Variants in USP32 observed in about 807,000 individuals in gnomAD.
The protein encoded by USP32 is ubiquitin specific peptidase 32.
USP32 carries 59 observed loss-of-function variants against 204.8 expected under a neutral mutation model. The observed-to-expected ratio is 0.29, with a 90% CI of 0.23 to 0.36. The LOEUF (loss-of-function observed/expected upper bound fraction) is 0.36, where lower values mean the gene tolerates loss of function less well. Among genes scored for constraint, USP32 ranks in the 10% least tolerant of loss-of-function variants. The pLI is 1.00. For missense variants in USP32, 1,160 were observed against 1,946.4 expected, an observed-to-expected ratio of 0.60 and a Z score of 7.60; for synonymous variants, 517 against 678.4, an observed-to-expected ratio of 0.76 and a Z score of 3.70.
intron 5 of USP32, among the ~76,000 whole-genome samples, chr17:60,280,089 G>GTTATTA (rs374214644): frequency 6.6e-6 from 1 of 151,458 alleles, no homozygotes; most frequent in African/African-American, 2.4e-5. Context: ...AATTGAGTAA[G>GTTATTA]TTATTATTAT....
In USP32 at chr17:60,186,931, G is replaced by A. The variant is rs186350182; in HGVS notation, c.3643-1280C>T. On this transcript the variant is annotated intron_variant, in intron 29 of 33. Coordinates refer to ENST00000300896, the MANE Select transcript of USP32 (RefSeq NM_032582.4). ...TGGGTGAAGCATCAGGGTTATGAAT[G>A]CTATCATGAGACTTCACACAGTATA... Among the ~76,000 whole-genome samples, 55 of 152,188 alleles carry A rather than the reference G, an allele frequency of 3.6e-4. No individual in the cohort carries two copies. The East Asian group carries it at 9.9e-3, about 27-fold the overall frequency.
At chr17:60,366,552 C>T (rs967325701) in intron 1 of USP32, among the ~76,000 whole-genome samples, 11 of 152,074 alleles carry the variant, frequency 7.2e-5, no homozygotes, top group African/African-American at 2.7e-4. Context: ...AGGTGTGAGC[C>T]ACTGCACCCA....
In USP32 at chr17:60,333,755, G is replaced by A. The variant is rs184961113; in HGVS notation, c.186+11726C>T. On this transcript the variant is annotated intron_variant, in intron 2 of 33. Transcript: ENST00000300896. ...AAGTAAAAGGAAAGGAAAGAAAATCGTAAAGAAGAGAAAATACATTTTCAG... is the reference window on the plus strand; with the variant it reads ...AAGTAAAAGGAAAGGAAAGAAAATCATAAAGAAGAGAAAATACATTTTCAG... 2.2e-3 allele frequency among the ~76,000 whole-genome samples: 332 copies of A among 152,098 alleles called. 4 individuals carry two copies. Among genetic ancestry groups the A allele is most frequent in the African/African-American group, 7.5e-3 (313 of 41,488 alleles).
intron 10 of USP32, among the ~76,000 whole-genome samples, chr17:60,253,590 ACCTC>A (rs2086221716): frequency 2.0e-5 from 3 of 151,870 alleles, no homozygotes; most frequent in South Asian, 4.2e-4. Flanking sequence ...ACATGGTGAA[ACCTC>A]GTCTCTACTA....
chr17:60,231,377 C>T (rs2085543723), intron 12 of USP32: 1 of 284,868 alleles, frequency 3.5e-6, no homozygotes, highest in African/African-American at 2.2e-5. Context: ...GGACACTGAG[C>T]TCTAGAGTGC....
At chr17:60,231,662 A>G (rs781424206) in intron 12 of USP32, 2 of 486,546 alleles carry the variant, frequency 4.1e-6, no homozygotes, top group East Asian at 1.1e-4. Flanking sequence ...GGTGATTTAA[A>G]GTATCTTCTA....
At position 60,378,922 on chromosome 17, in the gene USP32, C is replaced by CTA. The variant is rs985622052; in HGVS notation, c.58+12958_58+12959dup. Among the ~76,000 whole-genome samples the CTA allele has an allele frequency of 2.1e-3, 320 of 149,642 alleles. 2 individuals are homozygous for CTA. Among genetic ancestry groups the CTA allele is most frequent in the Middle Eastern group, 6.9e-3 (2 of 288 alleles). ...TAGTTCAAATGGTAAATGGTATGTT[C>CTA]TATATATATATATATTCACAATAAA... On this transcript the variant is annotated intron_variant, in intron 1 of 33. Transcript: ENST00000300896.
intron 1 of USP32, among the ~76,000 whole-genome samples, chr17:60,366,389 C>A (rs2089314152): frequency 6.6e-6 from 1 of 151,976 alleles, no homozygotes; most frequent in Non-Finnish European, 1.5e-5. Flanking sequence ...GAACTCCTGA[C>A]CTCGTGATCT....
At chr17:60,249,854 T>G in intron 11 of USP32, 1 of 643,152 alleles carries the variant, frequency 1.6e-6, no homozygotes, top group South Asian at 1.8e-5. Context: ...CACGATACTT[T>G]TTTTTTTTAA....
intron 21 of USP32, among the ~76,000 whole-genome samples, 181 bp from the exon 22 acceptor site, chr17:60,209,724 C>T (rs1002156395): frequency 7.4e-6 from 1 of 135,240 alleles, no homozygotes; most frequent in African/African-American, 2.6e-5. Context: ...TGTCAAATGA[C>T]CCCCCCCAAA....
intron 8 of USP32, 29 bp downstream of exon 8, chr17:60,265,947 G>T (rs368774578): frequency 5.9e-6 from 9 of 1,524,504 alleles, no homozygotes; most frequent in South Asian, 1.2e-5. Flanking sequence ...AAGTTTATAC[G>T]CAACAAGACA....
At chr17:60,255,048 CTTT>C (rs11324851) in intron 10 of USP32, 124 bp downstream of exon 10, 480 of 496,442 alleles carry the variant, frequency 9.7e-4, no homozygotes, top group South Asian at 1.3e-3. Flanking sequence ...TAATGTAGTT[CTTT>C]TTTTTTTTTT....
intron 5 of USP32, among the ~76,000 whole-genome samples, chr17:60,280,375 G>A (rs1428325158): frequency 2.0e-5 from 3 of 152,178 alleles, no homozygotes; most frequent in Non-Finnish European, 4.4e-5. Context: ...GGGATTACAG[G>A]CTCGGGCTAC....
intron 2 of USP32, among the ~76,000 whole-genome samples, chr17:60,302,807 AT>A (rs1022937651): frequency 2.6e-5 from 4 of 152,224 alleles, no homozygotes; most frequent in Non-Finnish European, 4.4e-5. Flanking sequence ...ACTCAAAAAA[AT>A]ATTTTTTAAC....
At position 60,349,882 on chromosome 17, in the gene USP32, AT is replaced by A. The variant is rs1252097468; in HGVS notation, c.59-4275del. 4.0e-5 allele frequency among the ~76,000 whole-genome samples: 6 copies of A among 151,146 alleles called. No individual in the cohort carries two copies. The East Asian group carries it at 1.2e-3, about 29-fold the overall frequency. On this transcript the variant is annotated intron_variant, in intron 1 of 33. Transcript: ENST00000300896. ...TCCTACAGATCCATATTTACTGAAA[AT>A]AAATACATAAAAATGTTCACCATAC... is the stretch of plus-strand genomic sequence containing the variant.
At chr17:60,366,235 T>C (rs1424021992) in intron 1 of USP32, among the ~76,000 whole-genome samples, 7 of 152,168 alleles carry the variant, frequency 4.6e-5, no homozygotes, top group Middle Eastern at 3.4e-3. Flanking sequence ...CTCGGCTCAC[T>C]GAAACCTCTG....
intron 2 of USP32, among the ~76,000 whole-genome samples, chr17:60,302,174 C>T (rs976460293): frequency 5.3e-5 from 8 of 151,748 alleles, no homozygotes; most frequent in South Asian, 2.1e-4. Flanking sequence ...TTGCTCCTGT[C>T]GCCCAGGCTG....
chr17:60,319,595 T>C (rs889246327), intron 2 of USP32, among the ~76,000 whole-genome samples: 8 of 152,078 alleles, frequency 5.3e-5, no homozygotes, highest in East Asian at 1.9e-4. Flanking sequence ...CTGGGCAACA[T>C]GGTGAAACCC....
At position 60,179,077 on chromosome 17, in the gene USP32, TA is replaced by T; in HGVS notation, c.*177del. Reference sequence around the variant, plus strand: ...GGAGAGCTTGTATGAGACTTCAAAATAAAATGATTACTACTCTTAAAGTTAA... The same window carrying T: ...GGAGAGCTTGTATGAGACTTCAAAATAAATGATTACTACTCTTAAAGTTAA... On this transcript the variant is annotated 3_prime_UTR_variant, in exon 34 of 34. Coordinates refer to ENST00000300896, the MANE Select transcript of USP32 (RefSeq NM_032582.4). 1 of 733,070 alleles carries T rather than the reference TA, an allele frequency of 1.4e-6. No individual in the cohort carries two copies. Among genetic ancestry groups the T allele is most frequent in the Non-Finnish European group, 2.1e-6 (1 of 473,952 alleles). The allele number at this position is 733,070 out of a possible 1,614,324, so 45.4% of individuals were successfully genotyped here.
Sources: gnomAD v4.1 joint callset for allele counts (sites outside exome capture counted in the v4.1 genomes callset) on GRCh38, gnomAD v4.1.1 for gene constraint, MANE v1.5 for transcripts, NCBI Gene and HGNC (gene_info 2026-07-23, HGNC 2026-07-21) for gene names.